ANO3: variants seen among roughly 807,000 people sequenced by gnomAD.
ANO3 encodes the protein anoctamin 3, also known as anoctamin-3.
A neutral mutation model predicts 144.8 loss-of-function variants in ANO3; 99 were observed. That is an observed-to-expected ratio of 0.68 (90% CI 0.58 to 0.81). The LOEUF is 0.81. ANO3 is among the 30% of genes least tolerant of loss of function. The probability of loss-of-function intolerance (pLI) is 0.00; values close to 1 mark genes in which losing one functional copy is unlikely to be tolerated. For synonymous variants in ANO3, 414 were observed against 392.6 expected (o/e 1.05, Z -0.64); for missense variants, 905 against 1,202.2 (o/e 0.75, Z 3.66).
intron 18 of ANO3, among the ~76,000 whole-genome samples, chr11:26,627,814 A>AGTGTGT (rs72002807): frequency 0.028 from 3,663 of 131,186 alleles, 91 homozygotes; most frequent in East Asian, 0.085. Flanking sequence ...AATAGAATCT[A>AGTGTGT]GTGTGTGTGT....
chr11:26,368,816 GT>G (rs1161216051), intron 1 of ANO3, among the ~76,000 whole-genome samples: 4 of 151,510 alleles, frequency 2.6e-5, no homozygotes, highest in Admixed American at 6.6e-5. Flanking sequence ...TATGTTTTTT[GT>G]TTTTTTCAAG....
At chr11:26,628,814 A>G (rs2133025597) in intron 18 of ANO3, among the ~76,000 whole-genome samples, 1 of 152,268 alleles carries the variant, frequency 6.6e-6, no homozygotes, top group Non-Finnish European at 1.5e-5. Context: ...GGGCCTCTTC[A>G]ATCACATCTG....
chr11:26,615,414 A>ATATATATATTTTT (rs1352935016), intron 17 of ANO3, among the ~76,000 whole-genome samples: 105 of 130,652 alleles, frequency 8.0e-4, no homozygotes, highest in African/African-American at 2.4e-3. Context: ...ATATATATAT[A>ATATATATATTTTT]TTTTTTTTTT....
At chr11:26,558,850 A>G (rs1850170591) in intron 13 of ANO3, among the ~76,000 whole-genome samples, 2 of 152,028 alleles carry the variant, frequency 1.3e-5, no homozygotes, top group South Asian at 4.2e-4. Context: ...TTTCCTTATA[A>G]TACTGTTCTT....
chr11:26,264,546 G>A (rs978110295), intron 1 of ANO3, among the ~76,000 whole-genome samples: 3 of 152,174 alleles, frequency 2.0e-5, no homozygotes, highest in African/African-American at 7.2e-5. Flanking sequence ...GCCAGTAGAG[G>A]AGGGATACCT....
chr11:26,435,749 G>T (rs1397201197), intron 1 of ANO3, among the ~76,000 whole-genome samples: 2 of 151,868 alleles, frequency 1.3e-5, no homozygotes, highest in Non-Finnish European at 2.9e-5. Flanking sequence ...GATCAGTTAG[G>T]TTCTTTTTTA....
At chr11:26,557,784 T>C (rs1850132111) in intron 13 of ANO3, among the ~76,000 whole-genome samples, 1 of 152,164 alleles carries the variant, frequency 6.6e-6, no homozygotes, top group African/African-American at 2.4e-5. Flanking sequence ...TTTTTCCCAT[T>C]TTCATTCAGC....
intron 1 of ANO3, among the ~76,000 whole-genome samples, chr11:26,281,719 T>C (rs536130139): frequency 4.9e-4 from 74 of 152,318 alleles, no homozygotes; most frequent in Non-Finnish European, 9.0e-4. Context: ...AAGATTAATA[T>C]AAAATTCTAA....
At position 26,245,018 on chromosome 11, in the gene ANO3, T is replaced by TGTGCGC. The variant is rs1554928314; in HGVS notation, c.154+55692_154+55693insGCGTGC. Reference sequence around the variant, plus strand: ...GTGTGTGTGTGTGTGTGTGTGTGTGTGTGCATGCATGCATTTGTCTTTCAT... The same window carrying TGTGCGC: ...GTGTGTGTGTGTGTGTGTGTGTGTGTGTGCGCGTGCATGCATGCATTTGTCTTTCAT... On this transcript the variant is annotated intron_variant, in intron 1 of 27. Coordinates refer to the ANO3 transcript ENST00000672621. 2.5e-3 allele frequency among the ~76,000 whole-genome samples: 364 copies of TGTGCGC among 145,420 alleles called. 6 individuals are homozygous for TGTGCGC. Among genetic ancestry groups the TGTGCGC allele is most frequent in the African/African-American group, 5.6e-3 (222 of 39,534 alleles).
chr11:26,533,548 C>T (rs771440767), intron 8 of ANO3, among the ~76,000 whole-genome samples: 10 of 151,786 alleles, frequency 6.6e-5, no homozygotes, highest in Middle Eastern at 3.2e-3. Context: ...TTTAATGATG[C>T]TTGTAGAGGA....
intron 4 of ANO3, among the ~76,000 whole-genome samples, chr11:26,483,399 G>A (rs1444918188): frequency 1.3e-5 from 2 of 152,130 alleles, no homozygotes; most frequent in Non-Finnish European, 2.9e-5. Context: ...GGTCTGGTAG[G>A]ATGTGATTGG....
At chr11:26,457,149 G>A (rs1859195700) in intron 3 of ANO3, among the ~76,000 whole-genome samples, 2 of 150,400 alleles carry the variant, frequency 1.3e-5, no homozygotes, top group East Asian at 4.0e-4. Flanking sequence ...TGGGTGCAGC[G>A]CACCAGCATG....
At chr11:26,272,537 T>C (rs1853464623) in intron 1 of ANO3, among the ~76,000 whole-genome samples, 1 of 152,140 alleles carries the variant, frequency 6.6e-6, no homozygotes, top group South Asian at 2.1e-4. Context: ...AGTCATTTTA[T>C]GACAATTTAA....
At position 26,626,839 on chromosome 11, in the gene ANO3, C is replaced by A. The variant is rs1403363762; in HGVS notation, c.1873+2341C>A. ...TTTGTTGGGATTTCTTCAAGAGAAC[C>A]TCAACCTTATCTTCCAAGTATTCTC... On this transcript the variant is annotated intron_variant, in intron 18 of 26. Coordinates refer to ENST00000256737, the MANE Select transcript of ANO3 (RefSeq NM_031418.4). Among the ~76,000 whole-genome samples the A allele has an allele frequency of 4.6e-5, 7 of 151,930 alleles. 1 individual carries two copies. Among genetic ancestry groups the A allele is most frequent in the African/African-American group, 1.7e-4 (7 of 41,350 alleles).
At chr11:26,478,396 A>G (rs542614830) in intron 4 of ANO3, among the ~76,000 whole-genome samples, 47 of 152,256 alleles carry the variant, frequency 3.1e-4, no homozygotes, top group African/African-American at 1.1e-3. Flanking sequence ...GACTTTACAT[A>G]TTGATGTAGA....
chr11:26,533,585 G>A (rs1184899741), intron 8 of ANO3, among the ~76,000 whole-genome samples: 2 of 152,090 alleles, frequency 1.3e-5, no homozygotes, highest in South Asian at 2.1e-4. Flanking sequence ...AAAAGTAAGG[G>A]AGTGCTCTGA....
chr11:26,346,904 CACTT>C (rs936448888), intron 1 of ANO3, among the ~76,000 whole-genome samples: 1 of 152,176 alleles, frequency 6.6e-6, no homozygotes, highest in African/African-American at 2.4e-5. Flanking sequence ...GTCAAGGAGA[CACTT>C]ACAAATTTGA....
At chr11:26,332,374 T>A in intron 1 of ANO3, 53 bp downstream of exon 1, 1 of 1,578,328 alleles carries the variant, frequency 6.3e-7, no homozygotes, top group Non-Finnish European at 8.7e-7. Context: ...CCCCCCTGCA[T>A]GCCCTTGCAG....
chr11:26,326,216 T>C (rs1431359280), intron 1 of ANO3, among the ~76,000 whole-genome samples: 1 of 152,144 alleles, frequency 6.6e-6, no homozygotes, highest in African/African-American at 2.4e-5. Context: ...ACCACATAAC[T>C]TACTGTCCAA....
Sources: gnomAD v4.1 joint callset for allele counts (sites outside exome capture counted in the v4.1 genomes callset) on GRCh38, gnomAD v4.1.1 for gene constraint, MANE v1.5 for transcripts, NCBI Gene and HGNC (gene_info 2026-07-23, HGNC 2026-07-21) for gene names.